The following MYO3A variants were observed in gnomAD, a reference collection of about 807,000 sequenced individuals.
MYO3A encodes the protein myosin-IIIa.
Under a neutral mutation model 192.7 loss-of-function variants are expected in MYO3A, and 180 were observed. The observed-to-expected ratio is 0.93, with a 90% confidence interval of 0.83 to 1.06. MYO3A has a LOEUF of 1.06. Ranked by LOEUF, MYO3A falls within the 50% of genes least tolerant of loss-of-function variation. The probability of loss-of-function intolerance (pLI) is 0.00; values close to 1 mark genes in which losing one functional copy is unlikely to be tolerated. For synonymous variants in MYO3A, 628 were observed against 645.3 expected (o/e 0.97, Z 0.41); for missense variants, 1,896 against 1,905.0 (o/e 1.00, Z 0.09).
At position 26,065,604 on chromosome 10, in the gene MYO3A, A is replaced by AC. The variant is rs1554817231; in HGVS notation, c.954-1371_954-1370insC. 7.0e-4 allele frequency among the ~76,000 whole-genome samples: 91 copies of AC among 129,954 alleles called. 9 individuals carry two copies. The highest frequency in any genetic ancestry group is 2.6e-3 in the Admixed American group (34 of 12,836). The allele number at this position is 129,954 out of a possible 152,430, so 85.3% of individuals were successfully genotyped here. ...CATCTCCAAAAAAAAAAAAAAAAAA[A>AC]AAAAAAAAAGTATACATAATTCTTT... On this transcript the variant is annotated intron_variant, in intron 10 of 34. Coordinates refer to ENST00000642920, the MANE Select transcript of MYO3A (RefSeq NM_017433.5).
chr10:26,164,644 C>G lies in MYO3A; in HGVS notation c.3000-1423C>G, dbSNP rs148853363. The stretch of plus-strand genomic sequence containing the variant: ...TTGGGAGCCTGGCTGAGTCAGGAAT[C>G]CACACATCCACAGGGAGCCGACTGT... On this transcript the variant is annotated intron_variant, in intron 26 of 34. Coordinates refer to ENST00000642920, the MANE Select transcript of MYO3A (RefSeq NM_017433.5). Among the ~76,000 whole-genome samples the G allele has an allele frequency of 1.5e-3, 222 of 152,296 alleles. 2 individuals are homozygous for G. Among genetic ancestry groups the G allele is most frequent in the African/African-American group, 5.2e-3 (215 of 41,552 alleles).
chr10:26,067,242 G>A (rs1030457420), intron 11 of MYO3A, among the ~76,000 whole-genome samples, 168 bp downstream of exon 11: 1 of 152,154 alleles, frequency 6.6e-6, no homozygotes, highest in Non-Finnish European at 1.5e-5. Flanking sequence ...TGCTTTCTTT[G>A]TCTCTTAGCT....
At chr10:26,031,795 C>A (rs1012560732) in intron 10 of MYO3A, among the ~76,000 whole-genome samples, 2 of 152,326 alleles carry the variant, frequency 1.3e-5, no homozygotes, top group South Asian at 4.1e-4. Flanking sequence ...ACCACATCTA[C>A]CTCCTGTATG....
intron 17 of MYO3A, among the ~76,000 whole-genome samples, chr10:26,108,611 A>G (rs1033953947): frequency 1.3e-5 from 2 of 152,184 alleles, no homozygotes; most frequent in African/African-American, 4.8e-5. Context: ...CTTTAGTTCC[A>G]TGATCATCTG....
chr10:25,955,112 AT>A, intron 4 of MYO3A, 104 bp downstream of exon 4: 1 of 1,493,242 alleles, frequency 6.7e-7, no homozygotes, highest in Non-Finnish European at 9.3e-7. Flanking sequence ...AACAGTTCTG[AT>A]AAGTTCCTGA....
intron 21 of MYO3A, among the ~76,000 whole-genome samples, chr10:26,144,380 C>A (rs1173123420): frequency 6.6e-6 from 1 of 151,826 alleles, no homozygotes; most frequent in African/African-American, 2.4e-5. Flanking sequence ...GAGCCTCTTT[C>A]TTACCATTAG....
At chr10:26,014,700 A>C (rs1841885401) in intron 6 of MYO3A, among the ~76,000 whole-genome samples, 1 of 152,102 alleles carries the variant, frequency 6.6e-6, no homozygotes, top group Non-Finnish European at 1.5e-5. Context: ...TCATCAACAA[A>C]ATAATAATGT....
intron 10 of MYO3A, among the ~76,000 whole-genome samples, chr10:26,036,925 G>A (rs1843070545): frequency 1.3e-5 from 2 of 152,196 alleles, no homozygotes; most frequent in Admixed American, 1.3e-4. Flanking sequence ...GAAGTTACAA[G>A]TATGTGTTTA....
intron 4 of MYO3A, among the ~76,000 whole-genome samples, chr10:25,991,826 A>G (rs1047989584): frequency 5.3e-5 from 8 of 151,792 alleles, no homozygotes; most frequent in African/African-American, 1.9e-4. Flanking sequence ...ATAGTTGTAG[A>G]TGTGTGGTAT....
chr10:26,012,406 AAT>A (rs1172134491), intron 6 of MYO3A, among the ~76,000 whole-genome samples: 2 of 152,182 alleles, frequency 1.3e-5, no homozygotes, highest in Non-Finnish European at 2.9e-5. Flanking sequence ...TAGGTTACAA[AAT>A]CAATATACAC....
At chr10:26,013,471 T>C (rs541829470) in intron 6 of MYO3A, among the ~76,000 whole-genome samples, 4 of 151,654 alleles carry the variant, frequency 2.6e-5, no homozygotes, top group Admixed American at 1.3e-4. Context: ...TGAATAGACA[T>C]TTCTCAAAAG....
intron 32 of MYO3A, among the ~76,000 whole-genome samples, chr10:26,199,016 A>G (rs966441660): frequency 2.6e-5 from 4 of 152,196 alleles, no homozygotes; most frequent in Non-Finnish European, 5.9e-5. Flanking sequence ...TTGAGGAGTG[A>G]TATGCTTCCC....
At chr10:25,972,439 G>T (rs181383197) in intron 4 of MYO3A, among the ~76,000 whole-genome samples, 1 of 151,828 alleles carries the variant, frequency 6.6e-6, no homozygotes, top group Non-Finnish European at 1.5e-5. Flanking sequence ...GACTGGGCCC[G>T]CTCACAAGCC....
intron 34 of MYO3A, among the ~76,000 whole-genome samples, chr10:26,206,047 A>G (rs1041048352): frequency 6.6e-6 from 1 of 151,656 alleles, no homozygotes; most frequent in African/African-American, 2.4e-5. Context: ...TAATGCTGCA[A>G]TGAACATCTG....
intron 17 of MYO3A, among the ~76,000 whole-genome samples, chr10:26,113,097 A>G (rs1346561420): frequency 1.3e-5 from 2 of 152,228 alleles, no homozygotes; most frequent in African/African-American, 4.8e-5. Context: ...AAGATCAAAT[A>G]ATATTTGTGA....
intron 10 of MYO3A, among the ~76,000 whole-genome samples, chr10:26,039,986 T>G (rs1843252962): frequency 6.6e-6 from 1 of 152,058 alleles, no homozygotes; most frequent in Non-Finnish European, 1.5e-5. Context: ...GAAGTTTTTT[T>G]TTAATTTTTG....
At chr10:26,145,937 C>T (rs187143782) in intron 22 of MYO3A, among the ~76,000 whole-genome samples, 1 of 152,258 alleles carries the variant, frequency 6.6e-6, no homozygotes, top group Non-Finnish European at 1.5e-5. Context: ...TATTTGTTTC[C>T]TTCTTGTAGC....
chr10:25,942,897 C>A (rs1166344502), intron 2 of MYO3A, among the ~76,000 whole-genome samples: 2 of 151,294 alleles, frequency 1.3e-5, no homozygotes, highest in African/African-American at 2.4e-5. Context: ...TGTCTTTTCA[C>A]TCTGTTGTTA....
At chr10:26,003,920 A>T (rs1341244565) in intron 6 of MYO3A, among the ~76,000 whole-genome samples, 1 of 152,202 alleles carries the variant, frequency 6.6e-6, no homozygotes, top group South Asian at 2.1e-4. Context: ...TCCCCAATGC[A>T]TAATGTAGGT....
Sources: allele counts gnomAD v4.1 joint callset (sites outside exome capture counted in the v4.1 genomes callset), GRCh38; gene constraint gnomAD v4.1.1; transcripts MANE v1.5; gene names NCBI Gene and HGNC (gene_info 2026-07-23, HGNC 2026-07-21).